ATG7: variants seen among roughly 807,000 people sequenced by gnomAD.
ATG7 encodes autophagy related 7, also known as ubiquitin-like modifier-activating enzyme ATG7.
Under a neutral mutation model 82.4 loss-of-function variants are expected in ATG7, and 70 were observed. The observed-to-expected ratio is 0.85, with a 90% CI of 0.70 to 1.04. The LOEUF (loss-of-function observed/expected upper bound fraction) is 1.04. Among genes scored for constraint, ATG7 ranks in the 50% least tolerant of loss-of-function variants. The pLI, the probability that ATG7 is intolerant of heterozygous loss-of-function variation, is 0.00. For synonymous variants in ATG7, 287 were observed against 313.0 expected (o/e 0.92, Z 0.88); for missense variants, 792 against 864.3 (o/e 0.92, Z 1.05).
intron 19 of ATG7, among the ~76,000 whole-genome samples, chr3:11,382,739 G>GT (rs2152853340): frequency 6.6e-6 from 1 of 152,202 alleles, no homozygotes; most frequent in East Asian, 1.9e-4. Flanking sequence ...AAATTACTTT[G>GT]TTATTGTTAG....
At chr3:11,275,756 T>C (rs974451291) in intron 1 of ATG7, among the ~76,000 whole-genome samples, 6 of 152,152 alleles carry the variant, frequency 3.9e-5, no homozygotes, top group African/African-American at 1.4e-4. Context: ...GCTCTGTTAA[T>C]TGGTAGTCAG....
intron 20 of ATG7, among the ~76,000 whole-genome samples, chr3:11,479,546 A>C (rs140345243): frequency 6.6e-6 from 1 of 152,302 alleles, no homozygotes; most frequent in Non-Finnish European, 1.5e-5. Flanking sequence ...CAAGTCCACC[A>C]GCCCAGAATC....
chr3:11,377,450 T>A (rs12636305), intron 18 of ATG7, among the ~76,000 whole-genome samples: 1 of 151,852 alleles, frequency 6.6e-6, no homozygotes, highest in Non-Finnish European at 1.5e-5. Context: ...TGTGGTGGTG[T>A]TGTTGTTTTT....
chr3:11,540,632 C>A (rs2070734750), intron 20 of ATG7, among the ~76,000 whole-genome samples: 1 of 82,504 alleles, frequency 1.2e-5, no homozygotes, highest in Non-Finnish European at 2.4e-5. Context: ...CACAGTGACA[C>A]CCCATCTCAA....
intron 20 of ATG7, among the ~76,000 whole-genome samples, chr3:11,481,492 G>A (rs746336020): frequency 2.6e-5 from 4 of 152,036 alleles, no homozygotes; most frequent in South Asian, 2.1e-4. Flanking sequence ...TATATTTTAC[G>A]TGCAGGTGCT....
At chr3:11,371,913 T>G (rs7638724) in intron 18 of ATG7, among the ~76,000 whole-genome samples, 86,094 of 150,986 alleles carry the variant, frequency 0.57, 26,189 homozygotes, top group East Asian at 0.69. Flanking sequence ...CACGCACAGG[T>G]GTGCCTAATG....
the ATG7 span, among the ~76,000 whole-genome samples, chr3:11,573,817 G>A: frequency 6.6e-6 from 1 of 152,182 alleles, no homozygotes; most frequent in Non-Finnish European, 1.5e-5. Context: ...TAACCCCCTA[G>A]GTTCTCTGAA....
chr3:11,303,223 A>G (rs537796523), intron 5 of ATG7, among the ~76,000 whole-genome samples: 2 of 152,340 alleles, frequency 1.3e-5, no homozygotes, highest in South Asian at 4.1e-4. Flanking sequence ...CTCAGATTCT[A>G]CTGAGGAGAA....
At chr3:11,434,034 A>G (rs1310095709) in intron 20 of ATG7, among the ~76,000 whole-genome samples, 1 of 152,224 alleles carries the variant, frequency 6.6e-6, no homozygotes, top group East Asian at 1.9e-4. Flanking sequence ...CATATGAAAA[A>G]CATTACGGTC....
intron 9 of ATG7, among the ~76,000 whole-genome samples, chr3:11,325,832 A>T (rs1950803041): frequency 6.6e-6 from 1 of 152,214 alleles, no homozygotes; most frequent in African/African-American, 2.4e-5. Context: ...TCTCTGTAGG[A>T]ACGGCATTTT....
intron 20 of ATG7, among the ~76,000 whole-genome samples, chr3:11,470,001 AAAAAAAAAGAGAG>A (rs973323157): frequency 6.7e-6 from 1 of 149,970 alleles, no homozygotes; most frequent in African/African-American, 2.5e-5. Flanking sequence ...AAAAAAAAAA[AAAAAAAAAGAGAG>A]AGAGAGATGG....
Position 11,516,026 on chromosome 3 carries a change from C to CT in ATG7, c.2080-38780dup, listed in dbSNP as rs1245730756. ...TACGTTTTGGGAACAGCTCACATTC[C>CT]TTTTTAAAAAAAAAAAAAAACAAAA... On this transcript the variant is annotated intron_variant, in intron 20 of 20. Transcript: ENST00000693202. 4.8e-5 allele frequency among the ~76,000 whole-genome samples: 7 copies of CT among 144,980 alleles called. No homozygotes were observed. The East Asian group carries it at 6.1e-4, about 13-fold the overall frequency.
At chr3:11,366,971 C>CTGTGTGTGTGTGTG (rs60183965) in intron 18 of ATG7, among the ~76,000 whole-genome samples, 314 of 139,786 alleles carry the variant, frequency 2.2e-3, no homozygotes, top group African/African-American at 5.0e-3. Flanking sequence ...ATGGGAAAAG[C>CTGTGTGTGTGTGTG]TGTGTGTGTG....
chr3:11,403,521 A>C (rs948453074), intron 19 of ATG7, among the ~76,000 whole-genome samples: 1 of 152,192 alleles, frequency 6.6e-6, no homozygotes, highest in African/African-American at 2.4e-5. Context: ...TAAGAAATGG[A>C]AACTAGCAAA....
rs34530409 is a variant in ATG7, at chr3:11,452,384, CAAA to C, written c.2079+25480_2079+25482del. Among the ~76,000 whole-genome samples, 7 of 58,416 alleles carry C rather than the reference CAAA, an allele frequency of 1.2e-4. No individual in the cohort carries two copies. The Admixed American group carries it at 1.5e-3, about 13-fold the overall frequency. 38.3% of individuals were successfully genotyped at this position (58,416 alleles called of 152,430 possible). A position where few individuals can be genotyped will look rare whatever the true frequency, so the allele number is the denominator to read the frequency against. On this transcript the variant is annotated intron_variant, in intron 20 of 20. Transcript: ENST00000693202. The stretch of plus-strand genomic sequence containing the variant: ...TGGGCGACAGAGCGAGAACCTGTCT[CAAA>C]AAAAAAAAAAAAAAAAAAAAAGGAA...
chr3:11,292,650 C>CAATTGA (rs1945177491), intron 3 of ATG7, among the ~76,000 whole-genome samples: 219 of 10,818 alleles, frequency 0.02, no homozygotes, highest in African/African-American at 0.022. Flanking sequence ...GAATTGAATT[C>CAATTGA]CCACCACACC....
intron 20 of ATG7, among the ~76,000 whole-genome samples, chr3:11,473,488 A>G (rs371393731): frequency 2.0e-5 from 3 of 152,356 alleles, no homozygotes; most frequent in African/African-American, 7.2e-5. Flanking sequence ...TTTAGAACGG[A>G]TGGAAAAACT....
At chr3:11,283,806 C>A (rs1943480594) in intron 3 of ATG7, among the ~76,000 whole-genome samples, 1 of 152,146 alleles carries the variant, frequency 6.6e-6, no homozygotes, top group African/African-American at 2.4e-5. Context: ...GTGGCGCATG[C>A]CTGTAATCCC....
downstream of ATG7, among the ~76,000 whole-genome samples, chr3:11,561,958 G>A (rs1380284360): frequency 1.4e-5 from 2 of 143,616 alleles, no homozygotes; most frequent in Non-Finnish European, 3.0e-5. Flanking sequence ...GGAGTGCAGT[G>A]ACGCGATCTT....
Sources: allele counts gnomAD v4.1 joint callset (sites outside exome capture counted in the v4.1 genomes callset), GRCh38; gene constraint gnomAD v4.1.1; transcripts MANE v1.5; gene names NCBI Gene and HGNC (gene_info 2026-07-23, HGNC 2026-07-21).